The following SLC41A1 variants were observed in gnomAD, a reference collection of about 807,000 sequenced individuals.
The protein encoded by SLC41A1 is solute carrier family 41 (magnesium transporter), member 1.
Under a neutral mutation model 47.3 loss-of-function variants are expected in SLC41A1, and 20 were observed. The observed-to-expected ratio is 0.42, with a 90% CI of 0.30 to 0.61. The LOEUF is 0.61. Ranked by LOEUF, SLC41A1 falls within the 20% of genes least tolerant of loss-of-function variation. The pLI, the probability that SLC41A1 is intolerant of heterozygous loss-of-function variation, is 0.17. For missense variants in SLC41A1, 504 were observed against 674.1 expected (o/e 0.75, Z 2.79); for synonymous variants, 282 against 272.7 (o/e 1.03, Z -0.34).
chr1:205,797,551 G>A (rs1655777787), intron 7 of SLC41A1, among the ~76,000 whole-genome samples: 1 of 152,228 alleles, frequency 6.6e-6, no homozygotes, highest in South Asian at 2.1e-4. Flanking sequence ...GAACTGTTGG[G>A]GGAAGAATCT....
Position 205,801,064 on chromosome 1 carries a change from CG to C in SLC41A1, c.373-5del. 1 of 1,613,462 alleles carries C rather than the reference CG, an allele frequency of 6.2e-7. No homozygotes were observed. ...CCTTCTGGAAGACTTCCCAGTGCTA[CG>C]AGGTGAAAACAGAACCCAGGAATTT... On this transcript the variant is annotated splice_polypyrimidine_tract_variant and splice_region_variant and intron_variant, in intron 2 of 10. Transcript: ENST00000367137.
chr1:205,813,050 G>A lies in SLC41A1; in HGVS notation c.-889C>T. On this transcript the variant is annotated 5_prime_UTR_variant, in exon 1 of 11. Transcript: ENST00000367137. ...CTTCCACGCGGGGGAGGTGGCCGGG[G>A]AGGGCAGGATATATCGCTTCGGGCC... 2 of 985,530 alleles carry A rather than the reference G, an allele frequency of 2.0e-6. No homozygotes were observed. The highest frequency in any genetic ancestry group is 4.7e-5 in the South Asian group (1 of 21,290). 61.0% of individuals were successfully genotyped at this position (985,530 alleles called of 1,614,324 possible). A position where few individuals can be genotyped will look rare whatever the true frequency, so the allele number is the denominator to read the frequency against.
intron 2 of SLC41A1, among the ~76,000 whole-genome samples, chr1:205,802,809 G>A (rs1421798548): frequency 6.6e-6 from 1 of 150,768 alleles, no homozygotes; most frequent in Non-Finnish European, 1.5e-5. Context: ...ATTAGTAAGA[G>A]ATCACCTCAC....
intron 2 of SLC41A1, among the ~76,000 whole-genome samples, chr1:205,806,553 T>C (rs964486147): frequency 6.6e-6 from 1 of 152,134 alleles, no homozygotes; most frequent in Non-Finnish European, 1.5e-5. Flanking sequence ...CGGAGCAGCC[T>C]AGGACCAAAC....
chr1:205,791,396 T>G lies in SLC41A1; in HGVS notation c.*137A>C. Reference sequence around the variant, plus strand: ...TGGCTCAATGTATAAAAATTCCCATTGAAAATAATGAGAATTTGGTATCAA... The same window carrying G: ...TGGCTCAATGTATAAAAATTCCCATGGAAAATAATGAGAATTTGGTATCAA... On this transcript the variant is annotated 3_prime_UTR_variant, in exon 11 of 11. Coordinates refer to ENST00000367137, the MANE Select transcript of SLC41A1 (RefSeq NM_173854.6). This position sits in a 1 kb window ranked among gnomAD's most constrained non-coding sequence, Gnocchi z 4.0. The G allele has an allele frequency of 8.9e-7, 1 of 1,119,638 alleles. No homozygotes were observed. Among genetic ancestry groups the G allele is most frequent in the Non-Finnish European group, 1.3e-6 (1 of 759,264 alleles). 69.4% of individuals were successfully genotyped at this position (1,119,638 alleles called of 1,614,324 possible).
chr1:205,796,765 C>G, intron 8 of SLC41A1, 159 bp downstream of exon 8: 3 of 731,896 alleles, frequency 4.1e-6, no homozygotes, highest in Non-Finnish European at 7.1e-6. Context: ...CTGCTCCCAC[C>G]TCTGTAAGCA....
At position 205,810,884 on chromosome 1, in the gene SLC41A1, C is replaced by A. The variant is rs948580526; in HGVS notation, c.-443G>T. Reference sequence around the variant, plus strand: ...CAGCTTGAGTTCAAATCTTTCAGAACACAGTGCCAGCCTGGGGCTGCGGCT... The same window carrying A: ...CAGCTTGAGTTCAAATCTTTCAGAAAACAGTGCCAGCCTGGGGCTGCGGCT... On this transcript the variant is annotated 5_prime_UTR_variant, in exon 2 of 11. Coordinates refer to ENST00000367137, the MANE Select transcript of SLC41A1 (RefSeq NM_173854.6). This position sits in a 1 kb window ranked among gnomAD's most constrained non-coding sequence, Gnocchi z 5.5. 1.9e-5 allele frequency: 4 copies of A among 209,130 alleles called. No individual in the cohort carries two copies. In the Admixed American group the frequency reaches 2.1e-4, roughly 11 times the overall value. 13.0% of individuals were successfully genotyped at this position (209,130 alleles called of 1,614,324 possible). A position where few individuals can be genotyped will look rare whatever the true frequency, so the allele number is the denominator to read the frequency against.
Position 205,796,777 on chromosome 1 carries a change from T to C in SLC41A1, c.1072+147A>G, listed in dbSNP as rs1485722854. Reference sequence around the variant, plus strand: ...ACTCTGCTCCCACCTCTGTAAGCAGTCCCTTCATTAAGGTCTTGAACCATC... The same window carrying C: ...ACTCTGCTCCCACCTCTGTAAGCAGCCCCTTCATTAAGGTCTTGAACCATC... On this transcript the variant is annotated intron_variant, in intron 8 of 10. Coordinates refer to ENST00000367137, the MANE Select transcript of SLC41A1 (RefSeq NM_173854.6). 6 of 780,552 alleles carry C rather than the reference T, an allele frequency of 7.7e-6. 1 individual carries two copies. In the East Asian group the frequency reaches 1.6e-4, roughly 21 times the overall value. The allele number at this position is 780,552 out of a possible 1,614,324, so 48.4% of individuals were successfully genotyped here.
rs551235229 is a variant in SLC41A1, at chr1:205,790,434, C to T, written c.*1099G>A. 3.3e-5 allele frequency: 5 copies of T among 152,210 alleles called. No individual in the cohort carries two copies. Among genetic ancestry groups the T allele is most frequent in the African/African-American group, 7.2e-5 (3 of 41,530 alleles). 9.4% of individuals were successfully genotyped at this position (152,210 alleles called of 1,614,324 possible). ...GGAGGCTGCATATTTGCTAAATGAA[C>T]GAATAAATGATTGGTGAATGTTTGT... On this transcript the variant is annotated 3_prime_UTR_variant, in exon 11 of 11. Transcript: ENST00000367137.
intron 7 of SLC41A1, among the ~76,000 whole-genome samples, chr1:205,797,297 G>A (rs1655772223): frequency 6.6e-6 from 1 of 152,244 alleles, no homozygotes; most frequent in Admixed American, 6.5e-5. Flanking sequence ...ATCTGCCTCT[G>A]AGGACCTCTG....
intron 2 of SLC41A1, among the ~76,000 whole-genome samples, chr1:205,809,103 G>T (rs1331142234): frequency 3.3e-5 from 5 of 152,364 alleles, no homozygotes; most frequent in Non-Finnish European, 4.4e-5. Flanking sequence ...ACAGAGGCCA[G>T]CATTCAGCAG....
chr1:205,797,068 T>G, intron 7 of SLC41A1, 65 bp from the exon 8 acceptor site: 1 of 1,450,344 alleles, frequency 6.9e-7, no homozygotes, highest in African/African-American at 1.4e-5. Context: ...GTCTCTGGGA[T>G]GAGAGGTCCA....
intron 2 of SLC41A1, among the ~76,000 whole-genome samples, chr1:205,806,231 G>A (rs1255086392): frequency 6.6e-6 from 1 of 152,236 alleles, no homozygotes; most frequent in Non-Finnish European, 1.5e-5. Context: ...GGGAAAAGCA[G>A]AAGGGGTGGT....
chr1:205,797,846 A>G lies in SLC41A1; in HGVS notation c.992+58T>C, dbSNP rs183914037. 6 of 1,611,210 alleles carry G rather than the reference A, an allele frequency of 3.7e-6. 1 individual carries two copies. Among genetic ancestry groups the G allele is most frequent in the South Asian group, 3.3e-5 (3 of 90,850 alleles). On this transcript the variant is annotated intron_variant, in intron 7 of 10. Transcript: ENST00000367137. ...CACCCCATCTCTCCAGGGTTTAAAA[A>G]GAAGTCTGTGGAAGGGTTGGAGTGG...
chr1:205,801,750 G>T (rs1655885695), intron 2 of SLC41A1, among the ~76,000 whole-genome samples: 1 of 152,252 alleles, frequency 6.6e-6, no homozygotes, highest in Non-Finnish European at 1.5e-5. Flanking sequence ...TGGACCGGGA[G>T]TCAGGAGACC....
chr1:205,797,027 G>A, intron 7 of SLC41A1, 24 bp from the exon 8 acceptor site: 1 of 1,504,498 alleles, frequency 6.6e-7, no homozygotes, highest in South Asian at 1.2e-5. Context: ...AAGACAAAAT[G>A]ACGCAAAGAC....
At chr1:205,801,901 G>A (rs950817759) in intron 2 of SLC41A1, among the ~76,000 whole-genome samples, 1 of 152,188 alleles carries the variant, frequency 6.6e-6, no homozygotes, top group African/African-American at 2.4e-5. Flanking sequence ...CAGTAAGGTA[G>A]GGGCTATTTT....
chr1:205,796,091 A>G (rs1655743309), intron 8 of SLC41A1: 1 of 167,760 alleles, frequency 6.0e-6, no homozygotes, highest in Admixed American at 5.6e-5. Flanking sequence ...GTCTCCACAG[A>G]CTGCATTACC....
At chr1:205,807,920 G>T (rs1207398851) in intron 2 of SLC41A1, among the ~76,000 whole-genome samples, 1 of 150,964 alleles carries the variant, frequency 6.6e-6, no homozygotes, top group Non-Finnish European at 1.5e-5. Context: ...GCCTCCAAAA[G>T]TGCTGGGATT....
Sources: gnomAD v4.1 joint callset for allele counts (sites outside exome capture counted in the v4.1 genomes callset) on GRCh38, gnomAD v4.1.1 for gene constraint, Gnocchi (gnomAD v3.1) non-coding constraint, MANE v1.5 for transcripts, NCBI Gene and HGNC (gene_info 2026-07-23, HGNC 2026-07-21) for gene names.